Variants in SECISBP2L observed in about 807,000 individuals in gnomAD.
SECISBP2L encodes the protein selenocysteine insertion sequence-binding protein 2-like.
In SECISBP2L, 43 loss-of-function variants were observed where a neutral mutation model predicts 114.7. That is an observed-to-expected ratio of 0.38 (90% CI 0.29 to 0.48). The LOEUF (loss-of-function observed/expected upper bound fraction) is 0.48. Ranked by LOEUF, SECISBP2L falls within the 20% of genes least tolerant of loss-of-function variation. The pLI, the probability that SECISBP2L is intolerant of heterozygous loss-of-function variation, is 0.98. For synonymous variants in SECISBP2L, 451 were observed against 439.7 expected (o/e 1.03, Z -0.32); for missense variants, 1,136 against 1,301.1 (o/e 0.87, Z 1.95).
In SECISBP2L at chr15:49,034,261, T is replaced by C. The variant is rs542690102; in HGVS notation, c.528+1073A>G. ...ATGTACTCATAAGATATGTCTAAGA[T>C]GTCCCTCTTCTATCAGCTCAAAAGT... On this transcript the variant is annotated intron_variant, in intron 3 of 17. Coordinates refer to ENST00000559471, the MANE Select transcript of SECISBP2L (RefSeq NM_001193489.2). Among the ~76,000 whole-genome samples the C allele has an allele frequency of 3.2e-4, 48 of 152,320 alleles. No individual in the cohort carries two copies. The South Asian group carries it at 7.2e-3, about 23-fold the overall frequency.
chr15:49,016,862 G>T lies in SECISBP2L; in HGVS notation c.1405C>A (p.Gln469Lys), dbSNP rs1346964640. ...TGAATATGTACCTGTAATTTTTTTT[G>T]CTCCATACTTATTTCTGAATACTCT... ...AQEYSEISME[Q>K]KKLQEALSKA... The change falls in exon 10 of 18, where the codon CAA becomes AAA. Residue 469 changes from glutamine (Q) to lysine (K), a missense_variant. Gln to Lys is a moderately conservative substitution (Grantham distance 53, BLOSUM62 1). Coordinates refer to ENST00000559471, the MANE Select transcript of SECISBP2L (RefSeq NM_001193489.2). 9 of 1,601,026 alleles carry T rather than the reference G, an allele frequency of 5.6e-6. No individual in the cohort carries two copies. The highest frequency in any genetic ancestry group is 1.7e-4 in the Middle Eastern group (1 of 5,974).
intron 4 of SECISBP2L, among the ~76,000 whole-genome samples, chr15:49,029,185 T>C (rs767917274): frequency 1.3e-5 from 2 of 152,150 alleles, no homozygotes; most frequent in Non-Finnish European, 2.9e-5. Flanking sequence ...ATTATGAAAA[T>C]AGAATAAAAT....
chr15:49,028,926 T>C (rs932582138), intron 4 of SECISBP2L, among the ~76,000 whole-genome samples: 10 of 152,300 alleles, frequency 6.6e-5, no homozygotes, highest in Admixed American at 3.3e-4. Flanking sequence ...TGGCGCAATC[T>C]TGGCTCACTG....
chr15:49,016,431 TACATATATATACACACACAC>T, intron 11 of SECISBP2L, 109 bp downstream of exon 11: 1 of 748,992 alleles, frequency 1.3e-6, no homozygotes. Context: ...CAAACACACA[TACATATATATACACACACAC>T]ACACATATAT....
intron 8 of SECISBP2L, 44 bp downstream of exon 8, chr15:49,019,374 A>G: frequency 7.6e-7 from 1 of 1,319,044 alleles, no homozygotes; most frequent in Non-Finnish European, 9.7e-7. Flanking sequence ...TCTTAATGGG[A>G]ACATTTCCTA....
At chr15:49,011,549 C>G in intron 13 of SECISBP2L, 182 bp downstream of exon 13, 1 of 650,500 alleles carries the variant, frequency 1.5e-6, no homozygotes, top group Non-Finnish European at 2.5e-6. Flanking sequence ...TACCTGTCCC[C>G]TTCTCTTTAA....
chr15:49,002,523 C>G (rs1902233169), intron 14 of SECISBP2L, among the ~76,000 whole-genome samples: 1 of 152,086 alleles, frequency 6.6e-6, no homozygotes. Context: ...GAACTCTTTG[C>G]CCCATGCCTA....
In SECISBP2L at chr15:48,992,224, G is replaced by A. The variant is rs781456020; in HGVS notation, c.*20C>T. Reference sequence around the variant, plus strand: ...TGCAACCCTTCCACAGCTGGAGATAGAGAGCCGACATTTCCTGAGTTACGT... The same window carrying A: ...TGCAACCCTTCCACAGCTGGAGATAAAGAGCCGACATTTCCTGAGTTACGT... On this transcript the variant is annotated 3_prime_UTR_variant, in exon 18 of 18. Transcript: ENST00000559471. 4 of 1,575,960 alleles carry A rather than the reference G, an allele frequency of 2.5e-6. No individual in the cohort carries two copies. The highest frequency in any genetic ancestry group is 2.7e-5 in the African/African-American group (2 of 73,440).
intron 8 of SECISBP2L, 61 bp from the exon 9 acceptor site, chr15:49,017,689 T>C (rs1902564376): frequency 9.1e-7 from 1 of 1,095,320 alleles, no homozygotes; most frequent in Non-Finnish European, 1.3e-6. Context: ...CTTTTTATAA[T>C]GCTTAGAAGT....
At position 48,991,920 on chromosome 15, in the gene SECISBP2L, A is replaced by AC. The variant is rs1221412457; in HGVS notation, c.*323dup. The AC allele has an allele frequency of 5.1e-6, 1 of 194,404 alleles. No individual in the cohort carries two copies. The highest frequency in any genetic ancestry group is 2.3e-5 in the African/African-American group (1 of 42,750). The allele number at this position is 194,404 out of a possible 1,614,324, so 12.0% of individuals were successfully genotyped here. ...ACTGATAACTGCTTCTATCCTTAGA[A>AC]CCTTGTTCTTTAACTTTCAAAATGT... On this transcript the variant is annotated 3_prime_UTR_variant, in exon 18 of 18. Coordinates refer to ENST00000559471, the MANE Select transcript of SECISBP2L (RefSeq NM_001193489.2).
Position 49,028,485 on chromosome 15 carries a change from C to G in SECISBP2L, c.862G>C (p.Ala288Pro), listed in dbSNP as rs1227989287. Reference sequence around the variant, plus strand: ...GTCCCAGAATCAGGATTTCTCAAAGCCCCTGCTGCAGGCTGGTTGTTGCTG... The same window carrying G: ...GTCCCAGAATCAGGATTTCTCAAAGGCCCTGCTGCAGGCTGGTTGTTGCTG... Reference protein sequence around the residue: ...KHSNNQPAAGALRNPDSGTMN... With the variant: ...KHSNNQPAAGPLRNPDSGTMN... The change falls in exon 5 of 18, where the codon GCT becomes CCT. Residue 288 changes from alanine to proline, a missense_variant. Transcript: ENST00000559471. 1.2e-6 allele frequency: 2 copies of G among 1,613,976 alleles called. No individual in the cohort carries two copies. Among genetic ancestry groups the G allele is most frequent in the Non-Finnish European group, 1.7e-6 (2 of 1,180,006 alleles).
intron 1 of SECISBP2L, chr15:49,042,658 A>T (rs1903165504): frequency 6.6e-6 from 1 of 152,206 alleles, no homozygotes; most frequent in Admixed American, 6.5e-5. Context: ...TAGGTTTTTC[A>T]TATGTGGTAT....
At chr15:49,004,958 G>C (rs1246359626) in intron 14 of SECISBP2L, among the ~76,000 whole-genome samples, 4 of 152,206 alleles carry the variant, frequency 2.6e-5, no homozygotes, top group African/African-American at 9.7e-5. Flanking sequence ...GCTTCATCCA[G>C]AGCTGAGTTC....
intron 7 of SECISBP2L, among the ~76,000 whole-genome samples, chr15:49,026,621 A>G (rs1457316345): frequency 6.6e-6 from 1 of 152,226 alleles, no homozygotes; most frequent in Admixed American, 6.5e-5. Flanking sequence ...CATTCCAGGG[A>G]GGCAAAGGAA....
chr15:49,012,951 C>A (rs1181450612), intron 11 of SECISBP2L, 134 bp from the exon 12 acceptor site: 2 of 779,740 alleles, frequency 2.6e-6, no homozygotes, highest in East Asian at 5.3e-5. Context: ...GAGCACTATA[C>A]ATGGCTAGGC....
intron 17 of SECISBP2L, 76 bp from the exon 18 acceptor site, chr15:48,993,002 A>G (rs1398767629): frequency 2.4e-6 from 3 of 1,254,424 alleles, no homozygotes; most frequent in Non-Finnish European, 3.3e-6. Flanking sequence ...AACCCCCAAA[A>G]AAGAAAGAAC....
At chr15:49,044,992 T>C (rs1903212835) in intron 1 of SECISBP2L, among the ~76,000 whole-genome samples, 1 of 152,190 alleles carries the variant, frequency 6.6e-6, no homozygotes, top group Non-Finnish European at 1.5e-5. Context: ...CTCAGGTATT[T>C]ATGATAGATA....
At chr15:49,045,349 TA>T (rs1449726161) in intron 1 of SECISBP2L, among the ~76,000 whole-genome samples, 2 of 152,178 alleles carry the variant, frequency 1.3e-5, no homozygotes, top group African/African-American at 4.8e-5. Context: ...TATCCAACTG[TA>T]AAATTAATAG....
chr15:49,010,115 A>ACAGAGG (rs1902406047), intron 13 of SECISBP2L, among the ~76,000 whole-genome samples: 1 of 150,380 alleles, frequency 6.6e-6, no homozygotes, highest in African/African-American at 2.4e-5. Flanking sequence ...CTGGGCAACA[A>ACAGAGG]CAGAGGCAGA....
Sources: gnomAD v4.1 joint callset for allele counts (sites outside exome capture counted in the v4.1 genomes callset) on GRCh38, gnomAD v4.1.1 for gene constraint, MANE v1.5 for transcripts, NCBI Gene and HGNC (gene_info 2026-07-23, HGNC 2026-07-21) for gene names.